The following FAM162A variants were observed in gnomAD, a reference collection of about 807,000 sequenced individuals.
FAM162A encodes protein FAM162A.
Under a neutral mutation model 21.8 loss-of-function variants are expected in FAM162A, and 23 were observed. The observed-to-expected ratio is 1.05, with a 90% CI of 0.76 to 1.49. FAM162A has a LOEUF of 1.49. Among genes scored for constraint, FAM162A ranks in the 40% most tolerant of loss-of-function variants. The pLI, the probability that FAM162A is intolerant of heterozygous loss-of-function variation, is 0.00. For missense variants in FAM162A, 165 were observed against 186.4 expected (o/e 0.89, Z 0.67); for synonymous variants, 53 against 61.3 (o/e 0.86, Z 0.64).
chr3:122,410,060 A>C lies in FAM162A; in HGVS notation c.*229A>C. The C allele has an allele frequency of 1.9e-6, 1 of 523,336 alleles. No individual in the cohort carries two copies. Among genetic ancestry groups the C allele is most frequent in the Non-Finnish European group, 3.5e-6 (1 of 288,794 alleles). 32.4% of individuals were successfully genotyped at this position (523,336 alleles called of 1,614,324 possible). On this transcript the variant is annotated 3_prime_UTR_variant, in exon 5 of 5. Transcript: ENST00000477892. ...TAGCCTCTCAGCCTTTTGGAGAAAA[A>C]TGAAACAATTTATTTCAACTTGAAT...
intron 1 of FAM162A, among the ~76,000 whole-genome samples, chr3:122,387,690 C>T (rs1005059330): frequency 6.6e-6 from 1 of 152,132 alleles, no homozygotes; most frequent in Admixed American, 6.6e-5. Flanking sequence ...CAGGTCTTGC[C>T]AAGTATTTAT....
intron 1 of FAM162A, 27 bp downstream of exon 1, chr3:122,384,326 G>A (rs753653355): frequency 1.3e-6 from 2 of 1,567,580 alleles, no homozygotes; most frequent in African/African-American, 1.4e-5. Context: ...GATATGGGAG[G>A]TAGGGGAGCT....
chr3:122,401,236 T>C (rs188199202), intron 1 of FAM162A: 24 of 263,478 alleles, frequency 9.1e-5, no homozygotes, highest in African/African-American at 5.5e-4. Flanking sequence ...AAAAGTAGAA[T>C]TACAATTTTA....
At position 122,401,282 on chromosome 3, in the gene FAM162A, T is replaced by A. The variant is rs920009630; in HGVS notation, c.35-1478T>A. 2.9e-5 allele frequency: 14 copies of A among 475,080 alleles called. No homozygotes were observed. In the Middle Eastern group the frequency reaches 2.4e-3, roughly 81 times the overall value. 29.4% of individuals were successfully genotyped at this position (475,080 alleles called of 1,614,324 possible). ...GAAAGAATGACTTATAATATTCACC[T>A]GATTGTATCTCTTATTTTGTGTGCT... is the stretch of plus-strand genomic sequence containing the variant. On this transcript the variant is annotated intron_variant, in intron 1 of 4. Transcript: ENST00000477892.
At position 122,403,574 on chromosome 3, in the gene FAM162A, A is replaced by G. The variant is rs1472852670; in HGVS notation, c.158-684A>G. Among the ~76,000 whole-genome samples the G allele has an allele frequency of 9.2e-5, 14 of 152,218 alleles. No individual in the cohort carries two copies. The East Asian group carries it at 2.7e-3, about 29-fold the overall frequency. ...TTATTAATGAAATGACTCAGATGGC[A>G]TATATTCCCTTCAGAGTCAGCAAAT... On this transcript the variant is annotated intron_variant, in intron 2 of 4. Transcript: ENST00000477892.
intron 1 of FAM162A, among the ~76,000 whole-genome samples, chr3:122,398,211 C>T (rs573717667): frequency 4.4e-4 from 67 of 152,094 alleles, no homozygotes; most frequent in Middle Eastern, 3.4e-3. Flanking sequence ...CTTAAGATAA[C>T]CAAATAGTTA....
chr3:122,406,020 A>G (rs1430694595), intron 3 of FAM162A, among the ~76,000 whole-genome samples: 1 of 152,148 alleles, frequency 6.6e-6, no homozygotes, highest in Non-Finnish European at 1.5e-5. Flanking sequence ...ACATGGCTTC[A>G]TCATCTTCCT....
Position 122,384,207 on chromosome 3 carries a change from T to G in FAM162A, c.-59T>G. ...ACTCCAACGCTGGGTGACATTGAGCTCACCAGCGCCACCGTCCCCGGCGAA... is the reference window on the plus strand; with the variant it reads ...ACTCCAACGCTGGGTGACATTGAGCGCACCAGCGCCACCGTCCCCGGCGAA... On this transcript the variant is annotated 5_prime_UTR_variant, in exon 1 of 5. Transcript: ENST00000477892. 1 of 1,548,976 alleles carries G rather than the reference T, an allele frequency of 6.5e-7. No homozygotes were observed. Among genetic ancestry groups the G allele is most frequent in the Non-Finnish European group, 8.7e-7 (1 of 1,145,948 alleles).
intron 2 of FAM162A, among the ~76,000 whole-genome samples, chr3:122,403,467 T>G (rs1268310788): frequency 2.0e-5 from 3 of 152,162 alleles, no homozygotes; most frequent in Non-Finnish European, 4.4e-5. Context: ...ATATTATGCG[T>G]TAGGTAAAAT....
chr3:122,390,765 A>C (rs140271027), intron 1 of FAM162A, among the ~76,000 whole-genome samples: 1 of 152,310 alleles, frequency 6.6e-6, no homozygotes, highest in Admixed American at 6.5e-5. Context: ...TGGGTCCAGT[A>C]ATCTGTTTCA....
intron 1 of FAM162A, 105 bp downstream of exon 1, chr3:122,384,404 C>T (rs1422139967): frequency 3.0e-6 from 4 of 1,330,746 alleles, no homozygotes; most frequent in Non-Finnish European, 4.2e-6. Context: ...CATTCCATGA[C>T]GCACTTTCTC....
At chr3:122,393,324 G>GC (rs1376477754) in intron 1 of FAM162A, among the ~76,000 whole-genome samples, 1 of 151,290 alleles carries the variant, frequency 6.6e-6, no homozygotes, top group African/African-American at 2.4e-5. Flanking sequence ...AAATTACCAG[G>GC]CATTTGTGAC....
At chr3:122,407,567 GGGGATA>G (rs2075682747) in intron 4 of FAM162A, 178 bp downstream of exon 4, 1 of 509,752 alleles carries the variant, frequency 2.0e-6, no homozygotes, top group Non-Finnish European at 3.5e-6. Context: ...TATCATCCTT[GGGGATA>G]GATAGCAAAT....
At chr3:122,400,342 A>T (rs1272888917) in intron 1 of FAM162A, among the ~76,000 whole-genome samples, 3 of 151,906 alleles carry the variant, frequency 2.0e-5, no homozygotes, top group Non-Finnish European at 4.4e-5. Flanking sequence ...GGACACAGGG[A>T]GCGGAACATC....
At position 122,387,448 on chromosome 3, in the gene FAM162A, C is replaced by A. The variant is rs368886299; in HGVS notation, c.34+3149C>A. The stretch of plus-strand genomic sequence containing the variant: ...TATCTTAGAAGTCAGGTAATTTAGT[C>A]CTCTAATTTTTACAGATGAGGAAAC... On this transcript the variant is annotated intron_variant, in intron 1 of 4. Coordinates refer to ENST00000477892, the MANE Select transcript of FAM162A (RefSeq NM_014367.4). Among the ~76,000 whole-genome samples, 27 of 152,206 alleles carry A rather than the reference C, an allele frequency of 1.8e-4. No homozygotes were observed. In the East Asian group the frequency reaches 4.4e-3, roughly 25 times the overall value.
intron 3 of FAM162A, among the ~76,000 whole-genome samples, chr3:122,405,994 T>G (rs748084154): frequency 6.6e-6 from 1 of 152,140 alleles, no homozygotes; most frequent in Non-Finnish European, 1.5e-5. Context: ...AGGTCCCAGC[T>G]CCTACATCAC....
chr3:122,392,781 G>A (rs1243580991), intron 1 of FAM162A, among the ~76,000 whole-genome samples: 1 of 152,142 alleles, frequency 6.6e-6, no homozygotes, highest in Non-Finnish European at 1.5e-5. Flanking sequence ...GAGTTTCATA[G>A]ACTTTTCCCA....
intron 1 of FAM162A, among the ~76,000 whole-genome samples, chr3:122,385,592 ATCT>A (rs2075571377): frequency 2.0e-5 from 3 of 152,248 alleles, no homozygotes; most frequent in East Asian, 1.9e-4. Flanking sequence ...TAAGTAGTTC[ATCT>A]TCTTGCTTTG....
chr3:122,407,339 A>G lies in FAM162A; in HGVS notation c.322A>G (p.Ile108Val), dbSNP rs2107701461. Reference protein sequence around the residue: ...KMRVKISYLMIALTVVGCIFM... With the variant: ...KMRVKISYLMVALTVVGCIFM... ...GCGAGTGAAGATCAGCTATCTAATG[A>G]TTGCCCTGACGGTGGTAGGATGCAT... The change falls in exon 4 of 5, where the codon ATT becomes GTT. Residue 108 changes from isoleucine to valine, a missense_variant. Coordinates refer to ENST00000477892, the MANE Select transcript of FAM162A (RefSeq NM_014367.4). The G allele has an allele frequency of 6.2e-7, 1 of 1,614,122 alleles. No homozygotes were observed. Among genetic ancestry groups the G allele is most frequent in the East Asian group, 2.2e-5 (1 of 44,872 alleles).
Sources: allele counts gnomAD v4.1 joint callset (sites outside exome capture counted in the v4.1 genomes callset), GRCh38; gene constraint gnomAD v4.1.1; transcripts MANE v1.5; gene names NCBI Gene and HGNC (gene_info 2026-07-23, HGNC 2026-07-21).